Variants in RGS21 observed in about 807,000 individuals in gnomAD.
RGS21 encodes regulator of G-protein signalling 21.
Under a neutral mutation model 18.7 loss-of-function variants are expected in RGS21, and 19 were observed. The ratio of observed to expected loss-of-function variants is 1.01; its 90% CI spans 0.71 to 1.49. The LOEUF (loss-of-function observed/expected upper bound fraction) is 1.49, where lower values mean the gene tolerates loss of function less well. RGS21 is among the 40% of genes most tolerant of loss of function. The pLI is 0.00. For synonymous variants in RGS21, 56 were observed against 57.8 expected (o/e 0.97, Z 0.14); for missense variants, 194 against 176.8 (o/e 1.10, Z -0.55).
rs754833488 is a variant in RGS21 at position 192,364,481 on chromosome 1, G to A, written c.256-1440G>A. On this transcript the variant is annotated intron_variant, in intron 4 of 4. Transcript: ENST00000417209. ...TAATCCTGAAAACATTTTAAGATAGGTGCTATTACTATTCTCTTTCACACT... is the reference window on the plus strand; with the variant it reads ...TAATCCTGAAAACATTTTAAGATAGATGCTATTACTATTCTCTTTCACACT... Among the ~76,000 whole-genome samples the A allele has an allele frequency of 6.1e-4, 93 of 152,110 alleles. 1 individual carries two copies. Among genetic ancestry groups the A allele is most frequent in the South Asian group, 1.7e-3 (8 of 4,816 alleles).
chr1:192,317,971 T>C (rs1343206803), intron 1 of RGS21, among the ~76,000 whole-genome samples: 1 of 152,062 alleles, frequency 6.6e-6, no homozygotes, highest in African/African-American at 2.4e-5. Context: ...TACTAGTACA[T>C]GTATTATAGT....
intron 1 of RGS21, among the ~76,000 whole-genome samples, chr1:192,332,279 G>A (rs1437707149): frequency 6.6e-6 from 1 of 152,024 alleles, no homozygotes; most frequent in Non-Finnish European, 1.5e-5. Flanking sequence ...AAAGAAATGA[G>A]AATTATATGG....
chr1:192,332,744 T>C (rs1437234335), intron 1 of RGS21, among the ~76,000 whole-genome samples: 1 of 152,134 alleles, frequency 6.6e-6, no homozygotes, highest in Non-Finnish European at 1.5e-5. Flanking sequence ...TAAAGAATTC[T>C]CAAAACTCAA....
At chr1:192,358,935 A>T (rs1469526781) in intron 4 of RGS21, among the ~76,000 whole-genome samples, 1 of 152,044 alleles carries the variant, frequency 6.6e-6, no homozygotes, top group African/African-American at 2.4e-5. Context: ...ACTACCTGAA[A>T]CATCATTCAT....
chr1:192,328,168 A>C (rs1658595941), intron 1 of RGS21, among the ~76,000 whole-genome samples: 1 of 152,152 alleles, frequency 6.6e-6, no homozygotes, highest in African/African-American at 2.4e-5. Context: ...TGATCCTTTA[A>C]CTGTATTCTT....
chr1:192,352,894 AT>A (rs1413527560), intron 4 of RGS21, among the ~76,000 whole-genome samples: 1 of 152,068 alleles, frequency 6.6e-6, no homozygotes, highest in African/African-American at 2.4e-5. Context: ...TCTTCAAATC[AT>A]TTTAAAATTT....
intron 3 of RGS21, 72 bp from the exon 4 acceptor site, chr1:192,351,975 C>T (rs952936311): frequency 2.6e-6 from 2 of 776,572 alleles, no homozygotes; most frequent in African/African-American, 3.5e-5. Context: ...TCATATTATA[C>T]AATGTACTCA....
intron 1 of RGS21, among the ~76,000 whole-genome samples, chr1:192,325,201 C>T (rs911282158): frequency 6.6e-6 from 1 of 152,018 alleles, no homozygotes; most frequent in Non-Finnish European, 1.5e-5. Flanking sequence ...TTAGCTCCCA[C>T]TTATAACTAA....
intron 4 of RGS21, among the ~76,000 whole-genome samples, chr1:192,353,319 A>G (rs1659070522): frequency 6.6e-6 from 1 of 151,962 alleles, no homozygotes; most frequent in Non-Finnish European, 1.5e-5. Flanking sequence ...GAACCACTGA[A>G]GCATGGCCTG....
At chr1:192,343,120 C>G in intron 2 of RGS21, 73 bp downstream of exon 2, 1 of 1,363,534 alleles carries the variant, frequency 7.3e-7, no homozygotes. Context: ...CTTTTAGTCT[C>G]GATGTTTTAT....
chr1:192,346,027 G>A (rs929616700), intron 2 of RGS21, among the ~76,000 whole-genome samples: 47 of 151,964 alleles, frequency 3.1e-4, no homozygotes, highest in African/African-American at 1.1e-3. Flanking sequence ...ATTTCCAAAT[G>A]GTTTCACAGG....
chr1:192,347,479 G>C, intron 3 of RGS21, 90 bp downstream of exon 3: 1 of 641,064 alleles, frequency 1.6e-6, no homozygotes, highest in Non-Finnish European at 2.7e-6. Context: ...TAAAGTATGA[G>C]TTTAATCAAT....
At chr1:192,342,008 T>C (rs1164664244) in intron 1 of RGS21, among the ~76,000 whole-genome samples, 1 of 152,034 alleles carries the variant, frequency 6.6e-6, no homozygotes. Flanking sequence ...ACACCGACTT[T>C]TTAGGTCATT....
rs747266559 is a variant in RGS21 at position 192,366,261 on chromosome 1, C to G, written c.*137C>G. 1 of 620,014 alleles carries G rather than the reference C, an allele frequency of 1.6e-6. No homozygotes were observed. The highest frequency in any genetic ancestry group is 2.8e-6 in the Non-Finnish European group (1 of 356,246). The allele number at this position is 620,014 out of a possible 1,614,324, so 38.4% of individuals were successfully genotyped here. A position where few individuals can be genotyped will look rare whatever the true frequency, so the allele number is the denominator to read the frequency against. ...CCAAACAGATGAATAACGTTTTATACAACAAGCCTGAATTTCTAACTCAGT... is the reference window on the plus strand; with the variant it reads ...CCAAACAGATGAATAACGTTTTATAGAACAAGCCTGAATTTCTAACTCAGT... On this transcript the variant is annotated 3_prime_UTR_variant, in exon 5 of 5. Coordinates refer to ENST00000417209, the MANE Select transcript of RGS21 (RefSeq NM_001039152.3).
In RGS21 at chr1:192,343,790, C is replaced by T. The variant is rs889131435; in HGVS notation, c.11+743C>T. 2.6e-5 allele frequency among the ~76,000 whole-genome samples: 4 copies of T among 151,906 alleles called. 1 individual carries two copies. The highest frequency in any genetic ancestry group is 3.4e-3 in the Middle Eastern group (1 of 294). On this transcript the variant is annotated intron_variant, in intron 2 of 4. Coordinates refer to ENST00000417209, the MANE Select transcript of RGS21 (RefSeq NM_001039152.3). ...ACTCTGATTATGCATCACAATTTTA[C>T]AGGAAATAAACACAGAAATGAAAAG...
rs146384628 is a variant in RGS21 at position 192,331,938 on chromosome 1, G to T, written c.-60-11039G>T. ...TTTAGAGAACGGTCTTAAATAAAAA[G>T]AAATCCTTTTTAATTTTGGGGAAAT... On this transcript the variant is annotated intron_variant, in intron 1 of 4. Transcript: ENST00000417209. Among the ~76,000 whole-genome samples, 383 of 151,874 alleles carry T rather than the reference G, an allele frequency of 2.5e-3. 13 individuals carry two copies. Among genetic ancestry groups the T allele is most frequent in the Admixed American group, 0.023 (348 of 15,262 alleles).
At chr1:192,319,370 T>G (rs1557972216) in intron 1 of RGS21, among the ~76,000 whole-genome samples, 1 of 152,196 alleles carries the variant, frequency 6.6e-6, no homozygotes, top group Non-Finnish European at 1.5e-5. Flanking sequence ...TCTATATGTA[T>G]GTGTGTACAT....
chr1:192,331,456 G>A (rs1474883161), intron 1 of RGS21, among the ~76,000 whole-genome samples: 2 of 151,746 alleles, frequency 1.3e-5, no homozygotes, highest in Non-Finnish European at 2.9e-5. Flanking sequence ...CTGAGGCAGG[G>A]GAATCGATTG....
At chr1:192,354,975 G>C (rs1030484220) in intron 4 of RGS21, among the ~76,000 whole-genome samples, 1 of 151,640 alleles carries the variant, frequency 6.6e-6, no homozygotes. Flanking sequence ...TAATAGGAAA[G>C]ACTATATATT....
Sources: gnomAD v4.1 joint callset for allele counts (sites outside exome capture counted in the v4.1 genomes callset) on GRCh38, gnomAD v4.1.1 for gene constraint, MANE v1.5 for transcripts, NCBI Gene and HGNC (gene_info 2026-07-23, HGNC 2026-07-21) for gene names.